CCDC85A: variants seen among roughly 807,000 people sequenced by gnomAD.
CCDC85A encodes coiled-coil domain-containing protein 85A.
Under a neutral mutation model 50.2 loss-of-function variants are expected in CCDC85A, and 38 were observed. That is an observed-to-expected ratio of 0.76 (90% confidence interval 0.58 to 0.99). CCDC85A has a LOEUF of 0.99. Among genes scored for constraint, CCDC85A ranks in the 50% least tolerant of loss-of-function variants. The pLI is 0.00. For missense variants in CCDC85A, 820 were observed against 742.0 expected, an observed-to-expected ratio of 1.11 and a Z score of -1.22; for synonymous variants, 366 against 301.4, an observed-to-expected ratio of 1.21 and a Z score of -2.22.
At chr2:56,337,888 G>A (rs1674155410) in intron 2 of CCDC85A, among the ~76,000 whole-genome samples, 1 of 151,528 alleles carries the variant, frequency 6.6e-6, no homozygotes, top group Admixed American at 6.6e-5. Flanking sequence ...GGGTTCAAGC[G>A]ATTCTCCTGC....
At chr2:56,318,290 T>C (rs1357715073) in intron 2 of CCDC85A, among the ~76,000 whole-genome samples, 1 of 152,040 alleles carries the variant, frequency 6.6e-6, no homozygotes, top group Non-Finnish European at 1.5e-5. Context: ...TAGACCCTAA[T>C]GAGGAAGGCT....
At chr2:56,330,542 G>A (rs10178971) in intron 2 of CCDC85A, among the ~76,000 whole-genome samples, 54,360 of 151,926 alleles carry the variant, frequency 0.36, 10,307 homozygotes, top group African/African-American at 0.49. Context: ...CCATTATTCA[G>A]CATGTAGTAG....
chr2:56,243,046 T>A (rs1435463305), intron 2 of CCDC85A, among the ~76,000 whole-genome samples: 1 of 152,104 alleles, frequency 6.6e-6, no homozygotes, highest in Admixed American at 6.6e-5. Flanking sequence ...TTTCTCTTGA[T>A]GTTTTTAGGA....
intron 2 of CCDC85A, among the ~76,000 whole-genome samples, chr2:56,299,243 C>A (rs972848373): frequency 1.8e-4 from 27 of 152,212 alleles, no homozygotes; most frequent in Non-Finnish European, 2.2e-4. Flanking sequence ...ACGATAACTG[C>A]AGCAATATTC....
At chr2:56,319,058 G>A (rs1296523459) in intron 2 of CCDC85A, among the ~76,000 whole-genome samples, 2 of 152,112 alleles carry the variant, frequency 1.3e-5, no homozygotes, top group East Asian at 3.9e-4. Flanking sequence ...CTCTGCTGGA[G>A]AGAGCCAGAA....
chr2:56,310,903 G>C (rs932332027), intron 2 of CCDC85A, among the ~76,000 whole-genome samples: 3 of 152,176 alleles, frequency 2.0e-5, no homozygotes, highest in African/African-American at 7.2e-5. Flanking sequence ...GTTTTTCCCA[G>C]AGCTTGAGCC....
At chr2:56,316,576 C>G (rs576555033) in intron 2 of CCDC85A, among the ~76,000 whole-genome samples, 1 of 152,198 alleles carries the variant, frequency 6.6e-6, no homozygotes, top group South Asian at 2.1e-4. Context: ...GATCTTAGTA[C>G]TCGAAAAAAC....
chr2:56,273,266 G>A (rs1214116328), intron 2 of CCDC85A, among the ~76,000 whole-genome samples: 2 of 152,078 alleles, frequency 1.3e-5, no homozygotes, highest in Admixed American at 1.3e-4. Flanking sequence ...TGGGGGACAG[G>A]AAATTAACAT....
chr2:56,260,751 T>C (rs754486879), intron 2 of CCDC85A, among the ~76,000 whole-genome samples: 14 of 152,230 alleles, frequency 9.2e-5, no homozygotes, highest in Non-Finnish European at 2.1e-4. Context: ...ACAACCTTGT[T>C]CAGGTTATTA....
intron 2 of CCDC85A, among the ~76,000 whole-genome samples, chr2:56,263,978 C>T (rs1309918082): frequency 2.0e-5 from 3 of 152,148 alleles, no homozygotes; most frequent in Non-Finnish European, 4.4e-5. Flanking sequence ...ACTTAAAATA[C>T]GCTAACACTA....
At chr2:56,198,079 G>T (rs1258500240) in intron 2 of CCDC85A, among the ~76,000 whole-genome samples, 1 of 152,226 alleles carries the variant, frequency 6.6e-6, no homozygotes. Flanking sequence ...CTCTGTTGAG[G>T]TTATTAATGA....
chr2:56,278,863 G>A (rs763374073), intron 2 of CCDC85A, among the ~76,000 whole-genome samples: 32 of 152,178 alleles, frequency 2.1e-4, no homozygotes, highest in African/African-American at 6.3e-4. Context: ...ATGAGCCTCC[G>A]CGCCAGACAC....
At position 56,288,802 on chromosome 2, in the gene CCDC85A, T is replaced by C. The variant is rs186406940; in HGVS notation, c.1241-54077T>C. Among the ~76,000 whole-genome samples the C allele has an allele frequency of 2.8e-3, 432 of 152,052 alleles. 5 individuals are homozygous for C. Among genetic ancestry groups the C allele is most frequent in the African/African-American group, 0.01 (418 of 41,504 alleles). ...GACCAGAGCACCAAAATTAACACCA[T>C]TTTCCTAGTCAGTGAACCTTGAAAA... On this transcript the variant is annotated intron_variant, in intron 2 of 5. Coordinates refer to ENST00000407595, the MANE Select transcript of CCDC85A (RefSeq NM_001080433.2).
intron 5 of CCDC85A, among the ~76,000 whole-genome samples, chr2:56,383,302 G>A (rs757729238): frequency 1.3e-5 from 2 of 151,964 alleles, no homozygotes; most frequent in African/African-American, 4.8e-5. Flanking sequence ...TTGTGTTCAC[G>A]TCAGAGTGTT....
At chr2:56,281,187 TA>T (rs1342004024) in intron 2 of CCDC85A, among the ~76,000 whole-genome samples, 1 of 152,198 alleles carries the variant, frequency 6.6e-6, no homozygotes, top group Non-Finnish European at 1.5e-5. Context: ...AACAGAACCA[TA>T]CAGTATTTAC....
chr2:56,215,230 C>T (rs1677341123), intron 2 of CCDC85A, among the ~76,000 whole-genome samples: 1 of 151,888 alleles, frequency 6.6e-6, no homozygotes, highest in Admixed American at 6.6e-5. Flanking sequence ...ATCCTCTGAC[C>T]TATACTTGCT....
intron 2 of CCDC85A, among the ~76,000 whole-genome samples, chr2:56,252,374 A>G (rs1669800793): frequency 6.6e-6 from 1 of 152,062 alleles, no homozygotes; most frequent in Non-Finnish European, 1.5e-5. Flanking sequence ...GTACTTAACT[A>G]GGCCAGGTAT....
At chr2:56,259,800 T>C (rs565315624) in intron 2 of CCDC85A, among the ~76,000 whole-genome samples, 1 of 152,280 alleles carries the variant, frequency 6.6e-6, no homozygotes, top group South Asian at 2.1e-4. Context: ...TCTTGCCAAA[T>C]TGGGCCTCTT....
intron 2 of CCDC85A, among the ~76,000 whole-genome samples, chr2:56,310,271 A>G (rs1042391278): frequency 6.6e-6 from 1 of 152,126 alleles, no homozygotes; most frequent in Non-Finnish European, 1.5e-5. Flanking sequence ...GGAGAAGTCT[A>G]GGTAGGAGAG....
Sources: allele counts gnomAD v4.1 joint callset (sites outside exome capture counted in the v4.1 genomes callset), GRCh38; gene constraint gnomAD v4.1.1; transcripts MANE v1.5; gene names NCBI Gene and HGNC (gene_info 2026-07-23, HGNC 2026-07-21).